ARHGAP24: variants seen among roughly 807,000 people sequenced by gnomAD.
ARHGAP24 encodes rho GTPase-activating protein 24.
A neutral mutation model predicts 76.4 loss-of-function variants in ARHGAP24; 50 were observed. The ratio of observed to expected loss-of-function variants is 0.65; its 90% CI spans 0.52 to 0.83. The LOEUF (loss-of-function observed/expected upper bound fraction) is 0.83. Among genes scored for constraint, ARHGAP24 ranks in the 40% least tolerant of loss-of-function variants. The probability of loss-of-function intolerance (pLI) is 0.00; values close to 1 mark genes in which losing one functional copy is unlikely to be tolerated. For synonymous variants in ARHGAP24, 345 were observed against 323.3 expected, an observed-to-expected ratio of 1.07 and a Z score of -0.72; for missense variants, 930 against 914.2, an observed-to-expected ratio of 1.02 and a Z score of -0.22.
chr4:85,490,125 A>G (rs1307578569), intron 1 of ARHGAP24, among the ~76,000 whole-genome samples: 1 of 152,092 alleles, frequency 6.6e-6, no homozygotes. Context: ...AATGGGAGGG[A>G]GAGGGAGAAT....
chr4:85,781,029 G>C (rs919770879), intron 3 of ARHGAP24, among the ~76,000 whole-genome samples: 3 of 152,196 alleles, frequency 2.0e-5, no homozygotes, highest in African/African-American at 7.2e-5. Flanking sequence ...CTGTTCACAT[G>C]CATGTCTAGC....
intron 3 of ARHGAP24, among the ~76,000 whole-genome samples, chr4:85,859,972 A>G (rs560081967): frequency 6.6e-6 from 1 of 152,248 alleles, no homozygotes; most frequent in African/African-American, 2.4e-5. Context: ...TTAACAGGGC[A>G]AAGCTTTCTG....
At chr4:85,972,384 A>T in intron 6 of ARHGAP24, 1 of 594,956 alleles carries the variant, frequency 1.7e-6, no homozygotes, top group Non-Finnish European at 2.9e-6. Context: ...TGAATAAATT[A>T]AATCAGCACG....
At chr4:85,984,630 A>G (rs745612247) in intron 8 of ARHGAP24, among the ~76,000 whole-genome samples, 7 of 152,204 alleles carry the variant, frequency 4.6e-5, no homozygotes, top group Non-Finnish European at 1.0e-4. Context: ...ATCAGGGTGC[A>G]TCCAAGTGAA....
chr4:85,598,978 CTTAA>C (rs1719940270), intron 2 of ARHGAP24, among the ~76,000 whole-genome samples: 1 of 151,670 alleles, frequency 6.6e-6, no homozygotes, highest in Non-Finnish European at 1.5e-5. Context: ...TTATATAAAA[CTTAA>C]TAAGATATTT....
chr4:85,958,960 G>A (rs1369985428), intron 5 of ARHGAP24, among the ~76,000 whole-genome samples: 1 of 152,060 alleles, frequency 6.6e-6, no homozygotes, highest in African/African-American at 2.4e-5. Flanking sequence ...TGTTTTTGAG[G>A]TTCATCTGTT....
chr4:85,506,077 G>A (rs1394263716), intron 1 of ARHGAP24, among the ~76,000 whole-genome samples: 1 of 152,144 alleles, frequency 6.6e-6, no homozygotes, highest in Non-Finnish European at 1.5e-5. Flanking sequence ...AAATGTTGCA[G>A]AACAGCGAAG....
rs1250205573 is a variant in ARHGAP24, at chr4:85,994,746, T to C, written c.1092T>C (p.Asn364=). ...GGCAGTTACAGAACAAGGAGAACAA[T>C]AACACCAAGGACAGCCCTAGTAGGC... ...TMGQLQNKEN[N]NTKDSPSRQC... is the part of the protein sequence containing the mutation. The change falls in exon 9 of 10, where the codon AAT becomes AAC. Residue 364 remains asparagine, a synonymous_variant. Transcript: ENST00000395184. 2 of 1,613,918 alleles carry C rather than the reference T, an allele frequency of 1.2e-6. No homozygotes were observed. Among genetic ancestry groups the C allele is most frequent in the South Asian group, 2.2e-5 (2 of 91,066 alleles).
intron 4 of ARHGAP24, among the ~76,000 whole-genome samples, chr4:85,924,045 C>T (rs572445512): frequency 2.0e-5 from 3 of 151,254 alleles, no homozygotes; most frequent in South Asian, 2.1e-4. Context: ...CCCATATTAC[C>T]GACAATACAC....
chr4:85,663,954 C>G (rs1472370660), intron 2 of ARHGAP24, among the ~76,000 whole-genome samples: 1 of 151,956 alleles, frequency 6.6e-6, no homozygotes, highest in Non-Finnish European at 1.5e-5. Flanking sequence ...TATCAATGTT[C>G]ATCAAGGATA....
At chr4:85,782,069 A>T (rs1440607080) in intron 3 of ARHGAP24, among the ~76,000 whole-genome samples, 1 of 144,894 alleles carries the variant, frequency 6.9e-6, no homozygotes, top group South Asian at 2.3e-4. Context: ...AAAAGAAAAA[A>T]AAAACAATTG....
chr4:85,799,426 TCAGATTATAAC>T (rs149849713), intron 3 of ARHGAP24, among the ~76,000 whole-genome samples: 103 of 152,292 alleles, frequency 6.8e-4, no homozygotes, highest in Admixed American at 1.7e-3. Context: ...AAAGATAGTA[TCAGATTATAAC>T]CCAAGGACTA....
chr4:85,572,311 C>A (rs1466090055), intron 2 of ARHGAP24, among the ~76,000 whole-genome samples: 1 of 152,084 alleles, frequency 6.6e-6, no homozygotes, highest in African/African-American at 2.4e-5. Flanking sequence ...TACGGAGGAA[C>A]ACAGTGAATA....
At chr4:85,680,244 C>T (rs962400434) in intron 2 of ARHGAP24, among the ~76,000 whole-genome samples, 1 of 152,090 alleles carries the variant, frequency 6.6e-6, no homozygotes, top group Non-Finnish European at 1.5e-5. Flanking sequence ...AGAGGTTTAC[C>T]TTTATATCCT....
intron 2 of ARHGAP24, among the ~76,000 whole-genome samples, chr4:85,592,596 T>A (rs1033840987): frequency 1.6e-4 from 25 of 152,192 alleles, no homozygotes; most frequent in African/African-American, 5.5e-4. Flanking sequence ...TCTGACTATA[T>A]TTTTGGACAC....
chr4:85,877,186 C>A (rs1732984705), intron 3 of ARHGAP24, among the ~76,000 whole-genome samples: 1 of 152,004 alleles, frequency 6.6e-6, no homozygotes, highest in South Asian at 2.1e-4. Flanking sequence ...TTCTGTTAGC[C>A]TGAGGTAGTT....
intron 6 of ARHGAP24, 38 bp from the exon 7 acceptor site, chr4:85,974,850 T>A: frequency 6.3e-7 from 1 of 1,588,666 alleles, no homozygotes; most frequent in East Asian, 2.2e-5. Flanking sequence ...AAGGCCAACG[T>A]GTAGAAAAAT....
At chr4:85,883,246 C>G (rs1393741714) in intron 3 of ARHGAP24, among the ~76,000 whole-genome samples, 1 of 152,114 alleles carries the variant, frequency 6.6e-6, no homozygotes, top group Non-Finnish European at 1.5e-5. Flanking sequence ...GAAGGGACAC[C>G]TGGTTGAAAG....
At position 85,942,118 on chromosome 4, in the gene ARHGAP24, G is replaced by T. The variant is rs967619845; in HGVS notation, c.444G>T (p.Gly148=). The T allele has an allele frequency of 6.2e-7, 1 of 1,613,772 alleles. No individual in the cohort carries two copies. The highest frequency in any genetic ancestry group is 8.5e-7 in the Non-Finnish European group (1 of 1,179,970). Residue 148 remains glycine (G), a synonymous_variant, in exon 5 of 10, where the codon GGG becomes GGT. Transcript: ENST00000395184. The part of the protein sequence containing the change: ...EDTVRYEKRY[G]NRLAPMLVEQ... ...CTGTTCGTTATGAGAAGAGATATGG[G>T]AACCGTCTGGCTCCGATGTTGGTGG...
Sources: gnomAD v4.1 joint callset for allele counts (sites outside exome capture counted in the v4.1 genomes callset) on GRCh38, gnomAD v4.1.1 for gene constraint, MANE v1.5 for transcripts, NCBI Gene and HGNC (gene_info 2026-07-23, HGNC 2026-07-21) for gene names.